The following TMEM268 variants were observed in gnomAD, a reference collection of about 807,000 sequenced individuals.
The protein encoded by TMEM268 is transmembrane protein 268.
A neutral mutation model predicts 39.1 loss-of-function variants in TMEM268; 24 were observed. That is an observed-to-expected ratio of 0.61 (90% CI 0.44 to 0.86). The LOEUF (loss-of-function observed/expected upper bound fraction) is 0.86, where lower values mean the gene tolerates loss of function less well. Among genes scored for constraint, TMEM268 ranks in the 40% least tolerant of loss-of-function variants. TMEM268 has a pLI of 0.00. For synonymous variants in TMEM268, 176 were observed against 173.5 expected (o/e 1.01, Z -0.12); for missense variants, 409 against 428.6 (o/e 0.95, Z 0.40).
intron 4 of TMEM268, 21 bp downstream of exon 4, chr9:114,627,027 A>G (rs1199387890): frequency 1.3e-6 from 2 of 1,525,164 alleles, no homozygotes; most frequent in Admixed American, 1.7e-5. Context: ...GGTGGCCCGC[A>G]CACTGACCCT....
intron 2 of TMEM268, among the ~76,000 whole-genome samples, chr9:114,622,802 G>A (rs564628829): frequency 9.2e-5 from 14 of 152,244 alleles, no homozygotes; most frequent in East Asian, 3.9e-4. Context: ...TTAAAACCAC[G>A]GATTTGGGCC....
chr9:114,624,529 A>C, intron 3 of TMEM268, 70 bp downstream of exon 3: 1 of 1,526,618 alleles, frequency 6.6e-7, no homozygotes, highest in East Asian at 2.5e-5. Flanking sequence ...CTTTTCATCC[A>C]GTTTTTCACA....
In TMEM268 at chr9:114,638,645, C is replaced by A. The variant is rs1186649547; in HGVS notation, c.768C>A (p.Leu256=). ...EGPENLEDAP[L]LPGNSCPNER... ...CTGAGAACTTGGAGGATGCTCCTCT[C>A]CTGCCCGGCAATTCTTGTCCTAACG... is the stretch of plus-strand genomic sequence containing the variant. The change falls in exon 8 of 9, where the codon CTC becomes CTA. Residue 256 remains leucine (L), a synonymous_variant. Coordinates refer to ENST00000288502, the MANE Select transcript of TMEM268 (RefSeq NM_153045.4). 6 of 1,610,358 alleles carry A rather than the reference C, an allele frequency of 3.7e-6. No individual in the cohort carries two copies. Among genetic ancestry groups the A allele is most frequent in the Non-Finnish European group, 5.1e-6 (6 of 1,178,528 alleles).
intron 2 of TMEM268, among the ~76,000 whole-genome samples, chr9:114,621,165 A>G (rs1845930571): frequency 6.6e-6 from 1 of 151,898 alleles, no homozygotes; most frequent in Non-Finnish European, 1.5e-5. Context: ...TAGTGACCTC[A>G]TCTCTACAAA....
intron 1 of TMEM268, 42 bp from the exon 2 acceptor site, chr9:114,617,076 C>T: frequency 1.5e-6 from 1 of 651,484 alleles, no homozygotes. Flanking sequence ...CCGGCTTGCC[C>T]AGGCTCAGGC....
chr9:114,625,444 T>A (rs1270831534), intron 3 of TMEM268, among the ~76,000 whole-genome samples: 5 of 2,938 alleles, frequency 1.7e-3, no homozygotes, highest in Non-Finnish European at 7.9e-4. Flanking sequence ...CTTCTTCTTC[T>A]TTTTTTTTTT....
chr9:114,604,788 T>C, the TMEM268 span, among the ~76,000 whole-genome samples: 1 of 152,108 alleles, frequency 6.6e-6, no homozygotes, highest in African/African-American at 2.4e-5. Context: ...AAGGCCATTA[T>C]GTTCTATGCA....
intron 6 of TMEM268, among the ~76,000 whole-genome samples, chr9:114,634,581 G>A (rs1846548725): frequency 6.6e-6 from 1 of 152,172 alleles, no homozygotes; most frequent in Admixed American, 6.5e-5. Context: ...CTCCATCCAT[G>A]CCTGATCTGC....
At chr9:114,632,479 C>G (rs780188342) in intron 5 of TMEM268, among the ~76,000 whole-genome samples, 7 of 152,218 alleles carry the variant, frequency 4.6e-5, no homozygotes, top group Non-Finnish European at 8.8e-5. Flanking sequence ...GTGCTTACTT[C>G]CCCAAACCAG....
upstream of TMEM268, among the ~76,000 whole-genome samples, chr9:114,608,310 T>C (rs905013303): frequency 2.6e-5 from 4 of 152,240 alleles, no homozygotes; most frequent in African/African-American, 9.6e-5. Flanking sequence ...GTTATCTGCC[T>C]TTCATAAATG....
intron 5 of TMEM268, among the ~76,000 whole-genome samples, chr9:114,631,625 G>A (rs4246902): frequency 0.69 from 104,714 of 152,056 alleles, 36,224 homozygotes; most frequent in East Asian, 0.73. Flanking sequence ...GCAGTGAGAG[G>A]TACGTTAGGA....
rs146075825 is a variant in TMEM268 at position 114,628,274 on chromosome 9, C to A, written c.474+24C>A. 950 of 1,609,152 alleles carry A rather than the reference C, an allele frequency of 5.9e-4. 9 individuals are homozygous for A. In the African/African-American group the frequency reaches 0.011, roughly 18 times the overall value. On this transcript the variant is annotated intron_variant, in intron 5 of 8. Transcript: ENST00000288502. The stretch of plus-strand genomic sequence containing the variant: ...AGGTGAGATGTCTGGAGATCCCTGC[C>A]ACACTCTCTCCAGAAGAGCGGTGCA...
intron 3 of TMEM268, among the ~76,000 whole-genome samples, chr9:114,625,688 C>T (rs1047563648): frequency 6.6e-6 from 1 of 151,596 alleles, no homozygotes; most frequent in African/African-American, 2.4e-5. Flanking sequence ...AGTGATCCAC[C>T]CGCCTCGGCC....
rs774572602 is a variant in TMEM268 at position 114,638,653 on chromosome 9, G to A, written c.776G>A (p.Gly259Asp). 4 of 1,609,744 alleles carry A rather than the reference G, an allele frequency of 2.5e-6. No homozygotes were observed. Among genetic ancestry groups the A allele is most frequent in the Non-Finnish European group, 8.5e-7 (1 of 1,178,280 alleles). ...ENLEDAPLLP[G>D]NSCPNERPLM... ...TTGGAGGATGCTCCTCTCCTGCCCGGCAATTCTTGTCCTAACGAGAGGCCA... is the reference window on the plus strand; with the variant it reads ...TTGGAGGATGCTCCTCTCCTGCCCGACAATTCTTGTCCTAACGAGAGGCCA... Residue 259 changes from glycine (G) to aspartate (D), a missense_variant, in exon 8 of 9, where the codon GGC becomes GAC. Coordinates refer to ENST00000288502, the MANE Select transcript of TMEM268 (RefSeq NM_153045.4).
At chr9:114,609,510 C>A (rs1010229362), upstream of TMEM268, among the ~76,000 whole-genome samples, 6 of 150,188 alleles carry the variant, frequency 4.0e-5, no homozygotes, top group African/African-American at 1.5e-4. Context: ...ATCTACAAAA[C>A]AAAAACAAAA....
chr9:114,639,755 C>T (rs1403267239), intron 8 of TMEM268, among the ~76,000 whole-genome samples: 2 of 150,250 alleles, frequency 1.3e-5, no homozygotes, highest in South Asian at 2.1e-4. Context: ...TGCGGTGGCT[C>T]GTGCCTGTAA....
At chr9:114,618,382 T>C (rs750636649) in intron 2 of TMEM268, among the ~76,000 whole-genome samples, 6 of 151,522 alleles carry the variant, frequency 4.0e-5, no homozygotes, top group Non-Finnish European at 7.4e-5. Flanking sequence ...CCATCAGACA[T>C]GGTGGCTCAC....
At chr9:114,608,679 C>T (rs1009450209), upstream of TMEM268, among the ~76,000 whole-genome samples, 33 of 152,240 alleles carry the variant, frequency 2.2e-4, no homozygotes, top group African/African-American at 7.5e-4. Context: ...TGCTCCCACG[C>T]GTCTAAATTG....
At position 114,628,078 on chromosome 9, in the gene TMEM268, G is replaced by A. The variant is rs767392872; in HGVS notation, c.325-23G>A. On this transcript the variant is annotated intron_variant, in intron 4 of 8. Transcript: ENST00000288502. The stretch of plus-strand genomic sequence containing the variant: ...TGCAAGGACTGAAGTTCCTGACCAT[G>A]CTCTCTGTCTGGCATCTTGCAGGTT... The A allele has an allele frequency of 3.7e-6, 6 of 1,610,332 alleles. No homozygotes were observed. In the South Asian group the frequency reaches 4.4e-5, roughly 12 times the overall value.
Sources: allele counts gnomAD v4.1 joint callset (sites outside exome capture counted in the v4.1 genomes callset), GRCh38; gene constraint gnomAD v4.1.1; transcripts MANE v1.5; gene names NCBI Gene and HGNC (gene_info 2026-07-23, HGNC 2026-07-21).